Variants in AGBL1 observed in about 807,000 individuals in gnomAD.
AGBL1 encodes the protein cytosolic carboxypeptidase 4.
A neutral mutation model predicts 118.9 loss-of-function variants in AGBL1; 130 were observed. The ratio of observed to expected loss-of-function variants is 1.09; its 90% CI spans 0.95 to 1.26. The LOEUF (loss-of-function observed/expected upper bound fraction) is 1.26, where lower values mean the gene tolerates loss of function less well. Ranked by LOEUF, AGBL1 falls within the 50% of genes most tolerant of loss-of-function variation. AGBL1 has a pLI of 0.00. For synonymous variants in AGBL1, 555 were observed against 478.9 expected (o/e 1.16, Z -2.08); for missense variants, 1,584 against 1,298.1 (o/e 1.22, Z -3.38).
At chr15:86,534,833 G>T (rs971517180) in intron 19 of AGBL1, among the ~76,000 whole-genome samples, 1 of 152,100 alleles carries the variant, frequency 6.6e-6, no homozygotes, top group African/African-American at 2.4e-5. Context: ...TAAAGTATAA[G>T]ATCAGTGAAA....
intron 22 of AGBL1, among the ~76,000 whole-genome samples, chr15:86,768,539 T>C (rs574847367): frequency 6.6e-6 from 1 of 151,984 alleles, no homozygotes; most frequent in Non-Finnish European, 1.5e-5. Flanking sequence ...CTTTTTATGC[T>C]TGGGATGCCT....
chr15:86,347,542 A>C (rs924565929), intron 17 of AGBL1, among the ~76,000 whole-genome samples: 2 of 152,252 alleles, frequency 1.3e-5, no homozygotes, highest in African/African-American at 4.8e-5. Context: ...TTCTAGCCAC[A>C]GCTATAATTG....
chr15:86,868,608 C>T (rs138232493), intron 22 of AGBL1, among the ~76,000 whole-genome samples: 26 of 152,248 alleles, frequency 1.7e-4, no homozygotes, highest in African/African-American at 5.1e-4. Context: ...GTAAAGCATT[C>T]GTGAAGAGGA....
At position 86,397,434 on chromosome 15, in the gene AGBL1, A is replaced by G; in HGVS notation, c.2443A>G (p.Lys815Glu). 1 of 1,613,122 alleles carries G rather than the reference A, an allele frequency of 6.2e-7. No individual in the cohort carries two copies. The highest frequency in any genetic ancestry group is 1.7e-5 in the Admixed American group (1 of 59,942). ...AGAGAGCAATGCCAGTTGGGTGATGAAGGGTACCTTGGAGTTCCTGGTCAG... is the reference window on the plus strand; with the variant it reads ...AGAGAGCAATGCCAGTTGGGTGATGGAGGGTACCTTGGAGTTCCTGGTCAG... ...PGESNASWVM[K>E]GTLEFLVSSD... The change falls in exon 18 of 23, where the codon AAG becomes GAG. Residue 815 changes from lysine to glutamate, a missense_variant. Coordinates refer to ENST00000614907, the MANE Select transcript of AGBL1 (RefSeq NM_001386094.1).
chr15:86,122,508 G>GAT (rs1253229457), intron 1 of AGBL1, among the ~76,000 whole-genome samples: 1 of 152,120 alleles, frequency 6.6e-6, no homozygotes, highest in Non-Finnish European at 1.5e-5. Context: ...TCACTTAAGT[G>GAT]ATAAACCAAG....
At chr15:86,424,234 T>C (rs900131165) in intron 18 of AGBL1, among the ~76,000 whole-genome samples, 7 of 152,064 alleles carry the variant, frequency 4.6e-5, no homozygotes, top group Non-Finnish European at 5.9e-5. Context: ...AATAATGCCA[T>C]ACTTCTACAA....
intron 8 of AGBL1, among the ~76,000 whole-genome samples, 185 bp downstream of exon 8, chr15:86,257,203 GA>G (rs1156696584): frequency 2.0e-5 from 3 of 152,156 alleles, no homozygotes; most frequent in Non-Finnish European, 4.4e-5. Context: ...TTCATAAACA[GA>G]AAAAACCAAG....
At chr15:86,206,179 T>A (rs193297546) in intron 5 of AGBL1, among the ~76,000 whole-genome samples, 2 of 152,354 alleles carry the variant, frequency 1.3e-5, no homozygotes, top group South Asian at 2.1e-4. Flanking sequence ...TTCCATAGTG[T>A]ATATTTGCCA....
At chr15:86,933,728 G>A (rs1306272834) in intron 23 of AGBL1, among the ~76,000 whole-genome samples, 2 of 152,126 alleles carry the variant, frequency 1.3e-5, no homozygotes, top group African/African-American at 2.4e-5. Context: ...CCGTGTATCC[G>A]GTTCCTTCAA....
intron 23 of AGBL1, among the ~76,000 whole-genome samples, chr15:86,928,402 C>G (rs147694453): frequency 9.5e-4 from 145 of 152,288 alleles, no homozygotes; most frequent in African/African-American, 3.3e-3. Context: ...CAGGTCCCGT[C>G]TGAGTCCAAA....
intron 17 of AGBL1, among the ~76,000 whole-genome samples, chr15:86,382,649 C>A (rs1037562707): frequency 2.6e-5 from 4 of 151,990 alleles, no homozygotes; most frequent in Non-Finnish European, 5.9e-5. Context: ...TGAACAGTGG[C>A]AACAGTAACA....
At chr15:86,140,944 C>T (rs112291730) in intron 1 of AGBL1, among the ~76,000 whole-genome samples, 33 of 152,302 alleles carry the variant, frequency 2.2e-4, no homozygotes, top group African/African-American at 7.7e-4. Context: ...TGAGCTATGA[C>T]TTTATCCTAT....
chr15:86,265,655 C>A (rs1406749831), intron 11 of AGBL1, among the ~76,000 whole-genome samples: 2 of 152,202 alleles, frequency 1.3e-5, no homozygotes, highest in African/African-American at 4.8e-5. Context: ...CTACCCCCTG[C>A]ACTTTATCTG....
At chr15:86,104,887 A>G (rs796481330) in intron 1 of AGBL1, among the ~76,000 whole-genome samples, 9 of 152,188 alleles carry the variant, frequency 5.9e-5, no homozygotes, top group African/African-American at 1.9e-4. Flanking sequence ...AGGGCCCACA[A>G]TGGTCAAGGG....
intron 17 of AGBL1, among the ~76,000 whole-genome samples, chr15:86,300,549 A>T (rs1304773749): frequency 1.3e-5 from 2 of 152,134 alleles, no homozygotes; most frequent in East Asian, 3.9e-4. Context: ...AGAAACAACA[A>T]AGGTGGCTGG....
At chr15:86,090,895 A>G (rs1188523696) in intron 1 of AGBL1, among the ~76,000 whole-genome samples, 4 of 152,178 alleles carry the variant, frequency 2.6e-5, no homozygotes, top group African/African-American at 9.7e-5. Flanking sequence ...GCCAAGAGTC[A>G]ACACATTTAT....
chr15:86,751,774 A>G (rs1030768495), intron 22 of AGBL1, among the ~76,000 whole-genome samples: 2 of 152,090 alleles, frequency 1.3e-5, no homozygotes, highest in Admixed American at 6.6e-5. Context: ...TGATATGTGT[A>G]TTTCTTAAGA....
In AGBL1 at chr15:86,615,543, G is replaced by A. The variant is rs143593808; in HGVS notation, c.2995-58730G>A. On this transcript the variant is annotated intron_variant, in intron 21 of 22. Transcript: ENST00000614907. This position sits in a 1 kb window ranked among gnomAD's most constrained non-coding sequence, Gnocchi z 4.3. ...CCTTGTGCTATGCTGAACCTGAGAA[G>A]GCCACACGCCATCCCGGTGGAGATG... 6.6e-6 allele frequency among the ~76,000 whole-genome samples: 1 copy of A among 152,332 alleles called. No individual in the cohort carries two copies. Among genetic ancestry groups the A allele is most frequent in the East Asian group, 1.9e-4 (1 of 5,186 alleles).
chr15:86,304,421 C>T (rs1262859878), intron 17 of AGBL1, among the ~76,000 whole-genome samples: 1 of 152,160 alleles, frequency 6.6e-6, no homozygotes, highest in Non-Finnish European at 1.5e-5. Flanking sequence ...TAATGTTGTT[C>T]CCCTACTCCG....
Sources: gnomAD v4.1 joint callset for allele counts (sites outside exome capture counted in the v4.1 genomes callset) on GRCh38, gnomAD v4.1.1 for gene constraint, Gnocchi (gnomAD v3.1) non-coding constraint, MANE v1.5 for transcripts, NCBI Gene and HGNC (gene_info 2026-07-23, HGNC 2026-07-21) for gene names.